Variants in NDUFB6 observed in about 807,000 individuals in gnomAD.
NDUFB6 encodes NADH:ubiquinone oxidoreductase subunit B6, also known as NADH dehydrogenase [ubiquinone] 1 beta subcomplex subunit 6.
Under a neutral mutation model 17.5 loss-of-function variants are expected in NDUFB6, and 23 were observed. That is an observed-to-expected ratio of 1.31 (90% CI 0.94 to 1.86). NDUFB6 has a LOEUF of 1.86. Among genes scored for constraint, NDUFB6 ranks in the 40% most tolerant of loss-of-function variants. NDUFB6 has a pLI of 0.00. For missense variants in NDUFB6, 167 were observed against 153.8 expected (o/e 1.09, Z -0.46); for synonymous variants, 60 against 53.5 (o/e 1.12, Z -0.53).
At chr9:32,563,056 T>G (rs755247990) in intron 2 of NDUFB6, among the ~76,000 whole-genome samples, 4 of 152,236 alleles carry the variant, frequency 2.6e-5, no homozygotes, top group Non-Finnish European at 4.4e-5. Flanking sequence ...CAGTTTGGGT[T>G]TATCTTCTGT....
intron 3 of NDUFB6, among the ~76,000 whole-genome samples, chr9:32,557,699 G>A (rs915911051): frequency 6.6e-5 from 10 of 151,864 alleles, no homozygotes; most frequent in African/African-American, 2.4e-4. Flanking sequence ...GGCTGGTCTC[G>A]AAGTTCTGAC....
intron 2 of NDUFB6, chr9:32,566,708 A>C: frequency 1.2e-6 from 1 of 847,732 alleles, no homozygotes; most frequent in Non-Finnish European, 2.1e-6. Context: ...AGCCAGACTT[A>C]TTCCAAAATC....
At chr9:32,568,843 C>T (rs1278665837) in intron 2 of NDUFB6, among the ~76,000 whole-genome samples, 2 of 149,278 alleles carry the variant, frequency 1.3e-5, no homozygotes, top group African/African-American at 2.5e-5. Context: ...CTCCGCCTCC[C>T]GGGTTCAAGC....
At position 32,571,052 on chromosome 9, in the gene NDUFB6, C is replaced by A. The variant is rs1248362662; in HGVS notation, c.181G>T (p.Val61Phe). Residue 61 changes from valine (V) to phenylalanine (F), a missense_variant and splice_region_variant, in exon 2 of 4, where the codon GTC (valine) becomes TTC (phenylalanine). Val to Phe is a conservative substitution (Grantham distance 50, BLOSUM62 -1). Transcript: ENST00000379847. ...ATACTCTTTTTGTATACCCCATGGACCTGGGGGGAAAAACACATACACAAA... is the reference window on the plus strand; with the variant it reads ...ATACTCTTTTTGTATACCCCATGGAACTGGGGGGAAAAACACATACACAAA... Reference protein sequence around the residue: ...LENKSPWRKMVHGVYKKSIFV... With the variant: ...LENKSPWRKMFHGVYKKSIFV... 2 of 1,589,532 alleles carry A rather than the reference C, an allele frequency of 1.3e-6. No homozygotes were observed. Among genetic ancestry groups the A allele is most frequent in the East Asian group, 2.3e-5 (1 of 44,070 alleles).
chr9:32,561,437 T>C (rs941301380), intron 2 of NDUFB6, among the ~76,000 whole-genome samples: 2 of 152,050 alleles, frequency 1.3e-5, no homozygotes, highest in African/African-American at 4.8e-5. Context: ...CAGCAATTCT[T>C]CTGCCTCAGC....
intron 2 of NDUFB6, among the ~76,000 whole-genome samples, chr9:32,570,406 C>T (rs1821912341): frequency 6.6e-6 from 1 of 152,178 alleles, no homozygotes. Context: ...TCTCATTCTG[C>T]CTGGGATCCA....
intron 2 of NDUFB6, among the ~76,000 whole-genome samples, chr9:32,564,404 A>G (rs1184245114): frequency 1.3e-5 from 2 of 152,172 alleles, no homozygotes; most frequent in Non-Finnish European, 2.9e-5. Flanking sequence ...AGAAGGTTTT[A>G]GCAACCCCGA....
At chr9:32,558,242 G>C (rs1043932225) in intron 3 of NDUFB6, among the ~76,000 whole-genome samples, 4 of 151,716 alleles carry the variant, frequency 2.6e-5, no homozygotes, top group African/African-American at 7.3e-5. Flanking sequence ...CTCTCGAGTA[G>C]CTGGGACTAC....
intron 1 of NDUFB6, 123 bp from the exon 2 acceptor site, chr9:32,571,175 T>C (rs1821932294): frequency 1.4e-5 from 9 of 665,642 alleles, no homozygotes; most frequent in Non-Finnish European, 2.3e-5. Context: ...TGGCACATAT[T>C]TTCTTATAGT....
At chr9:32,565,799 C>G (rs1368496958) in intron 2 of NDUFB6, among the ~76,000 whole-genome samples, 1 of 152,146 alleles carries the variant, frequency 6.6e-6, no homozygotes, top group African/African-American at 2.4e-5. Context: ...TGGCGAAACC[C>G]TGTCTCTACT....
chr9:32,568,961 G>C (rs550893697), intron 2 of NDUFB6, among the ~76,000 whole-genome samples: 2 of 151,744 alleles, frequency 1.3e-5, no homozygotes, highest in Admixed American at 6.6e-5. Flanking sequence ...ATCTTGGCCA[G>C]GGTGGTCTTG....
rs747916652 is a variant in NDUFB6 at position 32,573,152 on chromosome 9, G to C, written c.-92C>G. 942 of 1,351,848 alleles carry C rather than the reference G, an allele frequency of 7.0e-4. No homozygotes were observed. Among genetic ancestry groups the C allele is most frequent in the Non-Finnish European group, 8.9e-4 (909 of 1,026,554 alleles). 83.7% of individuals were successfully genotyped at this position (1,351,848 alleles called of 1,614,324 possible). A position where few individuals can be genotyped will look rare whatever the true frequency, so the allele number is the denominator to read the frequency against. On this transcript the variant is annotated 5_prime_UTR_variant, in exon 1 of 4. Coordinates refer to ENST00000379847, the MANE Select transcript of NDUFB6 (RefSeq NM_002493.5). ...CGCTCCCGCTCTGCAAAGCGACCTTGCGGGAACGCCGAGCGCCGCGCGCGG... is the reference window on the plus strand; with the variant it reads ...CGCTCCCGCTCTGCAAAGCGACCTTCCGGGAACGCCGAGCGCCGCGCGCGG...
chr9:32,569,335 C>T (rs1821890852), intron 2 of NDUFB6, among the ~76,000 whole-genome samples: 5 of 152,178 alleles, frequency 3.3e-5, no homozygotes, highest in Admixed American at 3.3e-4. Context: ...TCTTCTGCCT[C>T]AACCTCCCGA....
chr9:32,560,594 G>A (rs1244138156), intron 2 of NDUFB6, among the ~76,000 whole-genome samples: 1 of 152,138 alleles, frequency 6.6e-6, no homozygotes, highest in African/African-American at 2.4e-5. Context: ...TAGTTAAAAT[G>A]CATAATTGAT....
intron 3 of NDUFB6, among the ~76,000 whole-genome samples, chr9:32,554,950 TGGATCCTTG>T (rs1380145642): frequency 2.0e-5 from 3 of 152,214 alleles, no homozygotes; most frequent in Non-Finnish European, 4.4e-5. Flanking sequence ...AGTATGTGTT[TGGATCCTTG>T]GGATCCTTGG....
chr9:32,564,480 C>T (rs1587645610), intron 2 of NDUFB6, among the ~76,000 whole-genome samples: 1 of 149,766 alleles, frequency 6.7e-6, no homozygotes, highest in South Asian at 2.2e-4. Flanking sequence ...CTGCTGATTA[C>T]ACAACAAATG....
intron 2 of NDUFB6, among the ~76,000 whole-genome samples, chr9:32,564,968 A>T (rs1003137522): frequency 6.6e-6 from 1 of 152,148 alleles, no homozygotes; most frequent in African/African-American, 2.4e-5. Flanking sequence ...ATTCATAGAC[A>T]TTGGGAGGTT....
intron 2 of NDUFB6, among the ~76,000 whole-genome samples, chr9:32,561,410 T>A (rs919420799): frequency 1.3e-5 from 2 of 151,942 alleles, no homozygotes; most frequent in African/African-American, 4.8e-5. Context: ...TCACTGCAAC[T>A]TCTGCCTCCT....
At chr9:32,569,541 T>C (rs535822191) in intron 2 of NDUFB6, among the ~76,000 whole-genome samples, 30 of 152,088 alleles carry the variant, frequency 2.0e-4, no homozygotes, top group Middle Eastern at 6.8e-3. Flanking sequence ...TAAGGCAGCA[T>C]ATCAACCTGG....
Sources: allele counts gnomAD v4.1 joint callset (sites outside exome capture counted in the v4.1 genomes callset), GRCh38; gene constraint gnomAD v4.1.1; transcripts MANE v1.5; gene names NCBI Gene and HGNC (gene_info 2026-07-23, HGNC 2026-07-21).